BRINP3: variants seen among roughly 807,000 people sequenced by gnomAD.
BRINP3 encodes BMP/retinoic acid-inducible neural-specific protein 3.
A neutral mutation model predicts 71.0 loss-of-function variants in BRINP3; 19 were observed. That is an observed-to-expected ratio of 0.27 (90% CI 0.19 to 0.39). The LOEUF is 0.39. Ranked by LOEUF, BRINP3 falls within the 10% of genes least tolerant of loss-of-function variation. The pLI is 1.00. For synonymous variants in BRINP3, 380 were observed against 337.7 expected (o/e 1.13, Z -1.37); for missense variants, 959 against 940.8 (o/e 1.02, Z -0.25).
chr1:190,339,468 G>T (rs1038859231), intron 2 of BRINP3, among the ~76,000 whole-genome samples: 1 of 151,910 alleles, frequency 6.6e-6, no homozygotes, highest in African/African-American at 2.4e-5. Flanking sequence ...AAATAAGTAG[G>T]TTTCTCAGAA....
chr1:190,273,506 T>C (rs1159598228), intron 3 of BRINP3, among the ~76,000 whole-genome samples: 4 of 151,582 alleles, frequency 2.6e-5, no homozygotes, highest in African/African-American at 9.7e-5. Context: ...TGTGGTGGTT[T>C]ATGGTCATTA....
chr1:190,382,544 A>G (rs1670614708), intron 2 of BRINP3, among the ~76,000 whole-genome samples: 1 of 152,272 alleles, frequency 6.6e-6, no homozygotes, highest in East Asian at 1.9e-4. Flanking sequence ...AGGAAAACGG[A>G]CACTCATTCC....
At chr1:190,099,949 C>T (rs1010814660) in intron 7 of BRINP3, among the ~76,000 whole-genome samples, 8 of 152,046 alleles carry the variant, frequency 5.3e-5, no homozygotes, top group Non-Finnish European at 1.0e-4. Context: ...ATTTTGGTGT[C>T]TTAAAACCAG....
intron 4 of BRINP3, among the ~76,000 whole-genome samples, chr1:190,256,474 T>C (rs1660674937): frequency 6.6e-6 from 1 of 152,218 alleles, no homozygotes. Flanking sequence ...TTGGGGCATT[T>C]AGCCCATTTA....
chr1:190,266,625 C>T (rs989075520), intron 3 of BRINP3, among the ~76,000 whole-genome samples: 2 of 152,110 alleles, frequency 1.3e-5, no homozygotes, highest in East Asian at 3.9e-4. Context: ...CAAAAAATCC[C>T]CTACAATCAT....
intron 2 of BRINP3, among the ~76,000 whole-genome samples, chr1:190,303,913 A>G (rs897681773): frequency 6.6e-6 from 1 of 151,796 alleles, no homozygotes; most frequent in Non-Finnish European, 1.5e-5. Flanking sequence ...AAATTTAACA[A>G]TCAACATAAA....
intron 7 of BRINP3, among the ~76,000 whole-genome samples, chr1:190,143,492 C>A: frequency 6.6e-6 from 1 of 152,220 alleles, no homozygotes; most frequent in African/African-American, 2.4e-5. Flanking sequence ...CCTGCAGGAC[C>A]AATAGTCCTT....
intron 2 of BRINP3, among the ~76,000 whole-genome samples, chr1:190,444,771 T>C (rs2102578859): frequency 6.6e-6 from 1 of 152,200 alleles, no homozygotes; most frequent in Admixed American, 6.5e-5. Context: ...CCTGACCTGG[T>C]GATCTGTCTG....
chr1:190,362,040 C>T (rs781026158), intron 2 of BRINP3: 1 of 152,142 alleles, frequency 6.6e-6, no homozygotes, highest in Non-Finnish European at 1.5e-5. Flanking sequence ...TGGTCACTCT[C>T]TTTCTTTTCT....
At chr1:190,114,747 C>T (rs1182313801) in intron 7 of BRINP3, among the ~76,000 whole-genome samples, 1 of 152,070 alleles carries the variant, frequency 6.6e-6, no homozygotes, top group Non-Finnish European at 1.5e-5. Flanking sequence ...CTAAGCTCAC[C>T]TGGATTTCTT....
At chr1:190,252,615 A>G (rs1195664884) in intron 4 of BRINP3, among the ~76,000 whole-genome samples, 4 of 152,030 alleles carry the variant, frequency 2.6e-5, no homozygotes, top group African/African-American at 7.2e-5. Context: ...AACATCATCA[A>G]TTCTGCTCAT....
chr1:190,403,942 T>G (rs560760527), intron 2 of BRINP3, among the ~76,000 whole-genome samples: 3 of 152,318 alleles, frequency 2.0e-5, no homozygotes, highest in South Asian at 4.1e-4. Context: ...GAGAGTTTCT[T>G]AAGAGACTGT....
At chr1:190,289,812 C>G (rs1478217581) in intron 2 of BRINP3, among the ~76,000 whole-genome samples, 1 of 151,994 alleles carries the variant, frequency 6.6e-6, no homozygotes, top group South Asian at 2.1e-4. Context: ...CCATACCTGT[C>G]TCCAATTAAT....
chr1:190,105,945 T>C (rs1248389500), intron 7 of BRINP3, among the ~76,000 whole-genome samples: 1 of 151,994 alleles, frequency 6.6e-6, no homozygotes, highest in Non-Finnish European at 1.5e-5. Context: ...ATAACTATAT[T>C]TTAAAAATTA....
intron 2 of BRINP3, among the ~76,000 whole-genome samples, chr1:190,293,921 A>G (rs759263884): frequency 2.0e-5 from 3 of 151,986 alleles, no homozygotes; most frequent in Non-Finnish European, 4.4e-5. Flanking sequence ...TTATAGGTAA[A>G]GTGGATTGTT....
At chr1:190,227,384 T>C (rs566483263) in intron 5 of BRINP3, among the ~76,000 whole-genome samples, 1 of 151,932 alleles carries the variant, frequency 6.6e-6, no homozygotes, top group Admixed American at 6.6e-5. Flanking sequence ...TCTTAGAACT[T>C]ATATATTCGA....
At chr1:190,417,810 G>A (rs540291028) in intron 2 of BRINP3, among the ~76,000 whole-genome samples, 2 of 152,118 alleles carry the variant, frequency 1.3e-5, no homozygotes, top group African/African-American at 4.8e-5. Flanking sequence ...TGAAGATGAT[G>A]AGAGGGAAGA....
chr1:190,151,848 C>T (rs1015087684), intron 7 of BRINP3, among the ~76,000 whole-genome samples: 6 of 152,102 alleles, frequency 3.9e-5, no homozygotes, highest in South Asian at 2.1e-4. Flanking sequence ...ATTGAAGTTA[C>T]TACATTACAA....
intron 2 of BRINP3, among the ~76,000 whole-genome samples, chr1:190,289,655 C>T (rs1487549307): frequency 6.6e-6 from 1 of 151,918 alleles, no homozygotes; most frequent in African/African-American, 2.4e-5. Flanking sequence ...GTATGGATTA[C>T]AAATTGAAAC....
Sources: allele counts gnomAD v4.1 joint callset (sites outside exome capture counted in the v4.1 genomes callset), GRCh38; gene constraint gnomAD v4.1.1; transcripts MANE v1.5; gene names NCBI Gene and HGNC (gene_info 2026-07-23, HGNC 2026-07-21).